Variants in ELMO1 observed in about 807,000 individuals in gnomAD.
ELMO1 encodes the protein engulfment and cell motility protein 1.
ELMO1 carries 26 observed loss-of-function variants against 98.9 expected under a neutral mutation model. The ratio of observed to expected loss-of-function variants is 0.26; its 90% CI spans 0.19 to 0.36. The LOEUF (loss-of-function observed/expected upper bound fraction) is 0.36. ELMO1 is among the 10% of genes least tolerant of loss of function. The pLI is 1.00. For synonymous variants in ELMO1, 346 were observed against 346.0 expected, an observed-to-expected ratio of 1.00 and a Z score of 0.00; for missense variants, 627 against 935.2, an observed-to-expected ratio of 0.67 and a Z score of 4.30.
chr7:37,432,977 G>A (rs1482563630), intron 1 of ELMO1, among the ~76,000 whole-genome samples: 2 of 152,190 alleles, frequency 1.3e-5, no homozygotes, highest in Non-Finnish European at 2.9e-5. Context: ...TGTAATGTTC[G>A]TTATATCTAG....
chr7:36,902,517 G>A (rs907418593), intron 16 of ELMO1, among the ~76,000 whole-genome samples: 2 of 152,140 alleles, frequency 1.3e-5, no homozygotes, highest in Non-Finnish European at 2.9e-5. Flanking sequence ...AAGCTTACGG[G>A]GCATCACATC....
At chr7:37,030,377 A>C (rs1295491342) in intron 15 of ELMO1, among the ~76,000 whole-genome samples, 1 of 152,096 alleles carries the variant, frequency 6.6e-6, no homozygotes, top group Non-Finnish European at 1.5e-5. Flanking sequence ...TCCCCTGACA[A>C]ATGCATTCTG....
chr7:36,946,221 C>T (rs554648840), intron 16 of ELMO1, among the ~76,000 whole-genome samples: 3 of 152,352 alleles, frequency 2.0e-5, no homozygotes, highest in Non-Finnish European at 4.4e-5. Context: ...CAATATTTAC[C>T]TGTCGGGGCT....
In ELMO1 at chr7:37,402,949, T is replaced by C. The variant is rs117410234; in HGVS notation, c.-74+45726A>G. ...ATCTGGCAATAATGCTTCTAGGTAT[T>C]TACCCAAACAAGTTGAAAATGTATG... On this transcript the variant is annotated intron_variant, in intron 1 of 21. Coordinates refer to ENST00000310758, the MANE Select transcript of ELMO1 (RefSeq NM_014800.11). Among the ~76,000 whole-genome samples the C allele has an allele frequency of 1.1e-3, 165 of 152,280 alleles. 6 individuals are homozygous for C. In the East Asian group the frequency reaches 0.03, roughly 28 times the overall value.
intron 2 of ELMO1, among the ~76,000 whole-genome samples, chr7:37,327,316 CT>C (rs1397259776): frequency 5.9e-5 from 9 of 152,342 alleles, no homozygotes; most frequent in Non-Finnish European, 5.9e-5. Context: ...GTAAAATTAA[CT>C]GTATTTATGT....
intron 1 of ELMO1, chr7:37,419,898 A>T (rs1283926466): frequency 6.6e-6 from 1 of 152,230 alleles, no homozygotes; most frequent in Non-Finnish European, 1.5e-5. Flanking sequence ...TACACAATTG[A>T]GTTCACACTA....
chr7:37,120,312 C>G (rs757843627), intron 14 of ELMO1, among the ~76,000 whole-genome samples: 54 of 152,222 alleles, frequency 3.5e-4, no homozygotes, highest in Non-Finnish European at 3.2e-4. Context: ...AAGCGTGACC[C>G]GAAGCAGGGA....
chr7:37,032,539 C>T (rs1014112852), intron 15 of ELMO1, among the ~76,000 whole-genome samples: 1 of 152,228 alleles, frequency 6.6e-6, no homozygotes, highest in African/African-American at 2.4e-5. Flanking sequence ...CTCTCAGAGC[C>T]GCTGTTGATA....
chr7:37,315,274 T>C (rs1799093606), intron 3 of ELMO1, among the ~76,000 whole-genome samples: 2 of 152,148 alleles, frequency 1.3e-5, no homozygotes, highest in African/African-American at 4.8e-5. Flanking sequence ...GCAATTTAAG[T>C]TTTTGAAAGT....
chr7:37,044,434 A>G (rs186363564), intron 15 of ELMO1, among the ~76,000 whole-genome samples: 1 of 152,352 alleles, frequency 6.6e-6, no homozygotes, highest in African/African-American at 2.4e-5. Flanking sequence ...TCAGTTAAAA[A>G]TGAGGCAGCT....
intron 1 of ELMO1, among the ~76,000 whole-genome samples, chr7:37,382,301 T>C (rs986933416): frequency 2.0e-5 from 3 of 152,236 alleles, no homozygotes; most frequent in African/African-American, 7.2e-5. Context: ...CCAAGATGAA[T>C]GTAAAGTATA....
intron 20 of ELMO1, among the ~76,000 whole-genome samples, chr7:36,868,395 G>C (rs1803219369): frequency 6.6e-6 from 1 of 150,854 alleles, no homozygotes; most frequent in Non-Finnish European, 1.5e-5. Flanking sequence ...GCTCAGGCTG[G>C]AGTGCAGTGA....
At chr7:37,259,732 T>G (rs560230495) in intron 5 of ELMO1, among the ~76,000 whole-genome samples, 1 of 152,334 alleles carries the variant, frequency 6.6e-6, no homozygotes, top group East Asian at 1.9e-4. Context: ...CTGAAAGCTA[T>G]TTGCTTAGTT....
chr7:37,244,618 C>A (rs1186762248), intron 6 of ELMO1, among the ~76,000 whole-genome samples: 1 of 152,160 alleles, frequency 6.6e-6, no homozygotes, highest in African/African-American at 2.4e-5. Flanking sequence ...CTGTCATTAA[C>A]CAGTTGCATT....
intron 20 of ELMO1, among the ~76,000 whole-genome samples, chr7:36,863,093 G>T (rs1346261478): frequency 6.6e-6 from 1 of 152,178 alleles, no homozygotes; most frequent in African/African-American, 2.4e-5. Context: ...CTCATTGAGA[G>T]GGGGCAGGTC....
intron 4 of ELMO1, among the ~76,000 whole-genome samples, chr7:37,306,262 A>G (rs764845889): frequency 5.3e-5 from 8 of 152,252 alleles, no homozygotes; most frequent in Admixed American, 1.3e-4. Context: ...CCAGGTTAGT[A>G]AAGCTACACC....
chr7:37,008,560 C>G (rs921195458), intron 16 of ELMO1, among the ~76,000 whole-genome samples: 6 of 151,952 alleles, frequency 3.9e-5, no homozygotes, highest in African/African-American at 1.5e-4. Flanking sequence ...CAGGCTTTAT[C>G]TTATTCAGTA....
intron 18 of ELMO1, among the ~76,000 whole-genome samples, chr7:36,880,589 G>T (rs1366145894): frequency 6.6e-6 from 1 of 152,152 alleles, no homozygotes; most frequent in African/African-American, 2.4e-5. Context: ...TATGTGTAGC[G>T]AAACATCATT....
chr7:37,414,493 C>G (rs1277819343), intron 1 of ELMO1, among the ~76,000 whole-genome samples: 1 of 152,194 alleles, frequency 6.6e-6, no homozygotes, highest in Non-Finnish European at 1.5e-5. Flanking sequence ...CACACATACA[C>G]CAAGTCACTC....
Sources: allele counts gnomAD v4.1 joint callset (sites outside exome capture counted in the v4.1 genomes callset), GRCh38; gene constraint gnomAD v4.1.1; transcripts MANE v1.5; gene names NCBI Gene and HGNC (gene_info 2026-07-23, HGNC 2026-07-21).